BAHD1: variants seen among roughly 807,000 people sequenced by gnomAD.
BAHD1 encodes the protein bromo adjacent homology domain containing 1.
A neutral mutation model predicts 63.1 loss-of-function variants in BAHD1; 20 were observed. The observed-to-expected ratio is 0.32, with a 90% CI of 0.22 to 0.46. The LOEUF is 0.46. BAHD1 is among the 20% of genes least tolerant of loss of function. The pLI, the probability that BAHD1 is intolerant of heterozygous loss-of-function variation, is 1.00. For synonymous variants in BAHD1, 408 were observed against 426.8 expected (o/e 0.96, Z 0.54); for missense variants, 939 against 1,071.8 (o/e 0.88, Z 1.73).
Position 40,459,692 on chromosome 15 carries a change from C to A in BAHD1, c.1228C>A (p.Pro410Thr). ...GGGCAAGCTGTCCCCAGTGGCTGCA[C>A]CTCACGAGGAGGGGCTCCTCTTAGC... is the stretch of plus-strand genomic sequence containing the variant. ...PEGKLSPVAAPHEEGLLLAPS... is the reference protein window; with the variant it reads ...PEGKLSPVAATHEEGLLLAPS... The change falls in exon 2 of 7, where the codon CCT (proline) becomes ACT (threonine). Residue 410 changes from proline (P) to threonine (T), a missense_variant. Around this residue, in one of 5 missense-constraint regions of BAHD1, gnomAD observed 797 missense variants for 813.3 expected, o/e 0.98. Coordinates refer to ENST00000416165, the MANE Select transcript of BAHD1 (RefSeq NM_014952.5). 1 of 1,613,988 alleles carries A rather than the reference C, an allele frequency of 6.2e-7. No individual in the cohort carries two copies. Among genetic ancestry groups the A allele is most frequent in the Non-Finnish European group, 8.5e-7 (1 of 1,179,960 alleles).
chr15:40,440,905 T>C (rs1025687445), upstream of BAHD1, among the ~76,000 whole-genome samples: 32 of 152,128 alleles, frequency 2.1e-4, no homozygotes, highest in Non-Finnish European at 3.5e-4. Context: ...GCTGATTGGC[T>C]GGGGACGAGG....
intron 6 of BAHD1, 87 bp downstream of exon 6, chr15:40,465,522 T>C: frequency 9.8e-7 from 1 of 1,022,844 alleles, no homozygotes; most frequent in Non-Finnish European, 1.5e-6. Flanking sequence ...CCCGAGAGGA[T>C]CTCATTCTGC....
intron 2 of BAHD1, among the ~76,000 whole-genome samples, chr15:40,461,523 C>T (rs1203313454): frequency 6.6e-6 from 1 of 151,948 alleles, no homozygotes; most frequent in Non-Finnish European, 1.5e-5. Flanking sequence ...ACCTGTAATC[C>T]CAGCTACTCA....
intron 1 of BAHD1, among the ~76,000 whole-genome samples, chr15:40,448,279 T>A (rs1313533595): frequency 6.6e-6 from 1 of 152,214 alleles, no homozygotes; most frequent in South Asian, 2.1e-4. Context: ...AAAATTTTTT[T>A]AATTGTATTT....
At chr15:40,440,425 T>C (rs745967445), upstream of BAHD1, among the ~76,000 whole-genome samples, 3 of 151,998 alleles carry the variant, frequency 2.0e-5, no homozygotes, top group Admixed American at 6.6e-5. Context: ...TCGGCTGGTC[T>C]TCCTGAAGCT....
At chr15:40,463,038 A>G (rs1291642221) in intron 3 of BAHD1, among the ~76,000 whole-genome samples, 3 of 152,214 alleles carry the variant, frequency 2.0e-5, no homozygotes, top group Admixed American at 1.3e-4. Context: ...AAGGTGGCTC[A>G]TGCATATAAT....
chr15:40,442,901 C>T (rs1051783977), intron 1 of BAHD1, among the ~76,000 whole-genome samples: 1 of 152,220 alleles, frequency 6.6e-6, no homozygotes, highest in African/African-American at 2.4e-5. Flanking sequence ...AGGGGCACCA[C>T]TGTCCTTGGC....
In BAHD1 at chr15:40,461,928, G is replaced by C. The variant is rs948951707; in HGVS notation, c.1449G>C (p.Leu483=). Residue 483 remains leucine (L), a synonymous_variant, in exon 3 of 7, where the codon CTG becomes CTC. Transcript: ENST00000416165. ...MPFAAEGCRS[L]GQLEFPLPEA... is the part of the protein sequence containing the mutation. Reference sequence around the variant, plus strand: ...CTTTCCTAGAAGGCTGCAGATCCCTGGGCCAGTTGGAATTTCCTCTCCCGG... The same window carrying C: ...CTTTCCTAGAAGGCTGCAGATCCCTCGGCCAGTTGGAATTTCCTCTCCCGG... 8.1e-6 allele frequency: 13 copies of C among 1,602,416 alleles called. No homozygotes were observed. Among genetic ancestry groups the C allele is most frequent in the African/African-American group, 1.3e-5 (1 of 74,734 alleles).
chr15:40,467,904 C>T lies in BAHD1; in HGVS notation c.*1774C>T, dbSNP rs914185215. ...TGCCAAGGAGCCCAGCCTCACCTAG[C>T]AGGAAAGGAGATGAAGGCCCTCCTC... On this transcript the variant is annotated 3_prime_UTR_variant, in exon 7 of 7. Coordinates refer to ENST00000416165, the MANE Select transcript of BAHD1 (RefSeq NM_014952.5). The T allele has an allele frequency of 6.6e-6, 1 of 152,630 alleles. No homozygotes were observed. Among genetic ancestry groups the T allele is most frequent in the Non-Finnish European group, 1.5e-5 (1 of 68,036 alleles). The allele number at this position is 152,630 out of a possible 1,614,324, so 9.5% of individuals were successfully genotyped here. A position where few individuals can be genotyped will look rare whatever the true frequency, so the allele number is the denominator to read the frequency against.
chr15:40,454,481 C>CT (rs1225448539), intron 1 of BAHD1: 5 of 152,304 alleles, frequency 3.3e-5, no homozygotes, highest in African/African-American at 1.2e-4. Context: ...TGTTTACTGT[C>CT]TTTAGAGTAC....
intron 1 of BAHD1, among the ~76,000 whole-genome samples, chr15:40,455,766 G>A (rs1893831803): frequency 6.6e-6 from 1 of 152,204 alleles, no homozygotes; most frequent in Non-Finnish European, 1.5e-5. Context: ...CCTGTTGAGG[G>A]GCTTTGGCCC....
At chr15:40,451,858 G>A (rs542835826) in intron 1 of BAHD1, among the ~76,000 whole-genome samples, 22 of 152,358 alleles carry the variant, frequency 1.4e-4, no homozygotes, top group African/African-American at 5.0e-4. Context: ...GGGAAGGCAC[G>A]TTGCCTAAAG....
rs1467593130 is a variant in BAHD1, at chr15:40,468,001, C to G, written c.*1871C>G. The G allele has an allele frequency of 6.6e-6, 1 of 152,522 alleles. No homozygotes were observed. Among genetic ancestry groups the G allele is most frequent in the Admixed American group, 6.6e-5 (1 of 15,264 alleles). The allele number at this position is 152,522 out of a possible 1,614,324, so 9.4% of individuals were successfully genotyped here. A position where few individuals can be genotyped will look rare whatever the true frequency, so the allele number is the denominator to read the frequency against. ...TCTCTTAGATGTGGAAATATTTTTT[C>G]GAACCTGAAAATGCAGCTGGTAGAA... is the stretch of plus-strand genomic sequence containing the variant. On this transcript the variant is annotated 3_prime_UTR_variant, in exon 7 of 7. Coordinates refer to ENST00000416165, the MANE Select transcript of BAHD1 (RefSeq NM_014952.5).
chr15:40,459,409 C>G lies in BAHD1; in HGVS notation c.945C>G (p.Pro315=). Residue 315 remains proline (P), a synonymous_variant, in exon 2 of 7, where the codon CCC becomes CCG. Coordinates refer to ENST00000416165, the MANE Select transcript of BAHD1 (RefSeq NM_014952.5). ...CTTTGGGGCTGCGCCCTCACCTGCCCCTGCTGATGGGTGGACAGGCGGCTC... is the reference window on the plus strand; with the variant it reads ...CTTTGGGGCTGCGCCCTCACCTGCCGCTGCTGATGGGTGGACAGGCGGCTC... ...ESPLGLRPHL[P]LLMGGQAALK... The G allele has an allele frequency of 1.2e-6, 2 of 1,613,122 alleles. No homozygotes were observed. Among genetic ancestry groups the G allele is most frequent in the Non-Finnish European group, 1.7e-6 (2 of 1,179,834 alleles).
intron 1 of BAHD1, among the ~76,000 whole-genome samples, chr15:40,451,235 T>C (rs1203800195): frequency 6.7e-6 from 1 of 150,252 alleles, no homozygotes; most frequent in Admixed American, 6.7e-5. Context: ...TTTCTCAGAG[T>C]GCTGCCCACT....
Position 40,466,141 on chromosome 15 carries a change from C to T in BAHD1, c.*11C>T, listed in dbSNP as rs1372649277. 1.2e-6 allele frequency: 2 copies of T among 1,608,396 alleles called. No homozygotes were observed. The highest frequency in any genetic ancestry group is 1.7e-6 in the Non-Finnish European group (2 of 1,176,828). On this transcript the variant is annotated 3_prime_UTR_variant, in exon 7 of 7. Coordinates refer to ENST00000416165, the MANE Select transcript of BAHD1 (RefSeq NM_014952.5). ...AAGAACCCCCAGTAGCCTCCTCATG[C>T]CCATGCTGGGGCTACCCATGGGCAA...
chr15:40,464,563 G>T lies in BAHD1; in HGVS notation c.2052+16G>T. The stretch of plus-strand genomic sequence containing the variant: ...CATGCACGAGGTGAGCTGCCTGGCA[G>T]ATGGGTCAGGGAGGGCAGGAGAGAC... On this transcript the variant is annotated intron_variant, in intron 5 of 6. Coordinates refer to ENST00000416165, the MANE Select transcript of BAHD1 (RefSeq NM_014952.5). 1 of 1,608,580 alleles carries T rather than the reference G, an allele frequency of 6.2e-7. No homozygotes were observed. The highest frequency in any genetic ancestry group is 8.5e-7 in the Non-Finnish European group (1 of 1,176,734).
At chr15:40,461,843 G>A (rs1178061176) in intron 2 of BAHD1, 69 bp from the exon 3 acceptor site, 2 of 1,508,508 alleles carry the variant, frequency 1.3e-6, no homozygotes. Context: ...GACAGGAGCA[G>A]GCTCTGAAAG....
intron 1 of BAHD1, among the ~76,000 whole-genome samples, chr15:40,441,735 C>T (rs2141460218): frequency 6.7e-6 from 1 of 149,710 alleles, no homozygotes; most frequent in African/African-American, 2.4e-5. Flanking sequence ...CGCCCCCTCC[C>T]CCATCGCGGT....
Sources: gnomAD v4.1 joint callset for allele counts (sites outside exome capture counted in the v4.1 genomes callset) on GRCh38, gnomAD v4.1.1 for gene constraint, gnomAD v4.1.1 regional missense constraint, MANE v1.5 for transcripts, NCBI Gene and HGNC (gene_info 2026-07-23, HGNC 2026-07-21) for gene names.